SLC10A7: variants seen among roughly 807,000 people sequenced by gnomAD.
SLC10A7 encodes sodium/bile acid cotransporter 7.
In SLC10A7, 29 loss-of-function variants were observed where a neutral mutation model predicts 43.2. That is an observed-to-expected ratio of 0.67 (90% CI 0.50 to 0.92). The LOEUF is 0.92. Among genes scored for constraint, SLC10A7 ranks in the 40% least tolerant of loss-of-function variants. The probability of loss-of-function intolerance (pLI) is 0.00; values close to 1 mark genes in which losing one functional copy is unlikely to be tolerated. For missense variants in SLC10A7, 295 were observed against 403.2 expected (o/e 0.73, Z 2.30); for synonymous variants, 152 against 144.8 (o/e 1.05, Z -0.35).
At chr4:146,302,683 A>G (rs900424161) in intron 7 of SLC10A7, among the ~76,000 whole-genome samples, 3 of 152,212 alleles carry the variant, frequency 2.0e-5, no homozygotes, top group African/African-American at 7.2e-5. Context: ...AAAACCAGAG[A>G]GGCTGGAAGT....
At chr4:146,400,811 A>G (rs1219665166) in intron 5 of SLC10A7, among the ~76,000 whole-genome samples, 1 of 152,188 alleles carries the variant, frequency 6.6e-6, no homozygotes, top group East Asian at 1.9e-4. Context: ...CCCTACAGAT[A>G]CATTGTTTAC....
At chr4:146,472,835 C>T (rs1391099651) in intron 4 of SLC10A7, among the ~76,000 whole-genome samples, 2 of 152,192 alleles carry the variant, frequency 1.3e-5, no homozygotes, top group South Asian at 2.1e-4. Flanking sequence ...ATTTCTGCAT[C>T]GTTTCCAGAG....
chr4:146,491,448 T>G (rs1285434047), intron 4 of SLC10A7, among the ~76,000 whole-genome samples: 1 of 151,782 alleles, frequency 6.6e-6, no homozygotes. Flanking sequence ...CAAGCTGTGG[T>G]CACAAAATCA....
At chr4:146,450,742 C>G (rs1731509923) in intron 4 of SLC10A7, among the ~76,000 whole-genome samples, 1 of 152,120 alleles carries the variant, frequency 6.6e-6, no homozygotes, top group Admixed American at 6.6e-5. Context: ...ACCTACATGA[C>G]TCATGAATTT....
rs1727818218 is a variant in SLC10A7 at position 146,254,957 on chromosome 4, A to G, written c.*1534T>C. ...TAACTCTTATGAAATTTATTCAATG[A>G]CATTGACAAAAGATGAGACCTGGTA... On this transcript the variant is annotated 3_prime_UTR_variant, in exon 12 of 12. Transcript: ENST00000335472. The G allele has an allele frequency of 6.6e-6, 1 of 152,230 alleles. No homozygotes were observed. 9.4% of individuals were successfully genotyped at this position (152,230 alleles called of 1,614,324 possible).
At chr4:146,419,665 A>G (rs1423206908) in intron 5 of SLC10A7, among the ~76,000 whole-genome samples, 1 of 151,914 alleles carries the variant, frequency 6.6e-6, no homozygotes, top group East Asian at 1.9e-4. Flanking sequence ...GTGAAATCCC[A>G]TCTCTACTAA....
intron 4 of SLC10A7, among the ~76,000 whole-genome samples, chr4:146,466,538 T>C (rs1010055499): frequency 9.8e-5 from 15 of 152,338 alleles, no homozygotes; most frequent in African/African-American, 3.4e-4. Context: ...CATAAAATTC[T>C]GTAAGGACAG....
chr4:146,268,752 G>A (rs1728716403), intron 10 of SLC10A7, among the ~76,000 whole-genome samples: 1 of 152,164 alleles, frequency 6.6e-6, no homozygotes, highest in African/African-American at 2.4e-5. Flanking sequence ...ACAGCATCAG[G>A]ACATAGCTGG....
intron 1 of SLC10A7, among the ~76,000 whole-genome samples, chr4:146,518,658 T>A (rs1239720990): frequency 6.6e-6 from 1 of 151,940 alleles, no homozygotes; most frequent in Non-Finnish European, 1.5e-5. Flanking sequence ...CTTATTGGAT[T>A]AGGAGGGACA....
intron 5 of SLC10A7, among the ~76,000 whole-genome samples, chr4:146,327,265 T>C (rs913435386): frequency 2.0e-5 from 3 of 152,220 alleles, no homozygotes; most frequent in Non-Finnish European, 2.9e-5. Context: ...ACATTTTTTA[T>C]TGTGCACACT....
chr4:146,300,435 T>C (rs1315956455), intron 7 of SLC10A7, among the ~76,000 whole-genome samples: 1 of 152,230 alleles, frequency 6.6e-6, no homozygotes, highest in Non-Finnish European at 1.5e-5. Context: ...CATTGTTGTG[T>C]ACCACACACT....
intron 6 of SLC10A7, among the ~76,000 whole-genome samples, chr4:146,312,081 G>A (rs1405428636): frequency 6.6e-6 from 1 of 152,124 alleles, no homozygotes; most frequent in Non-Finnish European, 1.5e-5. Context: ...TCAGTTGCAT[G>A]CATCAAGCTA....
rs1179657486 is a variant in SLC10A7, at chr4:146,373,453, G to A, written c.436-47457C>T. On this transcript the variant is annotated intron_variant, in intron 5 of 11. Coordinates refer to ENST00000335472, the MANE Select transcript of SLC10A7 (RefSeq NM_001029998.6). ...TGCACCACTACACTCCAACCTAGGC[G>A]AGATAGCAAGACCCTGTCTCAAAAA... Among the ~76,000 whole-genome samples the A allele has an allele frequency of 3.8e-5, 5 of 133,138 alleles. No individual in the cohort carries two copies. In the East Asian group the frequency reaches 8.8e-4, roughly 23 times the overall value. The allele number at this position is 133,138 out of a possible 152,430, so 87.3% of individuals were successfully genotyped here.
chr4:146,442,683 T>C, intron 5 of SLC10A7, 100 bp downstream of exon 5: 1 of 1,538,142 alleles, frequency 6.5e-7, no homozygotes, highest in Non-Finnish European at 8.7e-7. Flanking sequence ...ATTTTTATAC[T>C]TAACCAAAGA....
intron 4 of SLC10A7, among the ~76,000 whole-genome samples, chr4:146,466,572 C>A (rs1194944864): frequency 6.6e-6 from 1 of 152,016 alleles, no homozygotes; most frequent in Non-Finnish European, 1.5e-5. Context: ...TTTTTCTGAC[C>A]CAGGAAGTTA....
intron 5 of SLC10A7, among the ~76,000 whole-genome samples, chr4:146,342,035 C>T (rs1734297680): frequency 6.6e-6 from 1 of 151,668 alleles, no homozygotes; most frequent in African/African-American, 2.4e-5. Flanking sequence ...AAAACAGTAT[C>T]CACCCATTCC....
intron 4 of SLC10A7, among the ~76,000 whole-genome samples, chr4:146,452,367 C>T (rs913550938): frequency 5.9e-5 from 9 of 152,028 alleles, no homozygotes; most frequent in Non-Finnish European, 8.8e-5. Flanking sequence ...TATTTATTTT[C>T]TCCCTAAGCA....
chr4:146,374,619 T>TACAC (rs59049339), intron 5 of SLC10A7, among the ~76,000 whole-genome samples: 4,266 of 123,416 alleles, frequency 0.035, 88 homozygotes, highest in African/African-American at 0.058. Context: ...TATATACACA[T>TACAC]ACACACACAC....
At chr4:146,427,312 G>T (rs551055836) in intron 5 of SLC10A7, among the ~76,000 whole-genome samples, 6 of 152,320 alleles carry the variant, frequency 3.9e-5, no homozygotes, top group African/African-American at 1.2e-4. Context: ...ACCACCCTGG[G>T]TGACACACAC....
Sources: allele counts gnomAD v4.1 joint callset (sites outside exome capture counted in the v4.1 genomes callset), GRCh38; gene constraint gnomAD v4.1.1; transcripts MANE v1.5; gene names NCBI Gene and HGNC (gene_info 2026-07-23, HGNC 2026-07-21).